The following TARDBP variants were observed in gnomAD, a reference collection of about 807,000 sequenced individuals.
The protein encoded by TARDBP is TAR DNA-binding protein 43.
A neutral mutation model predicts 38.3 loss-of-function variants in TARDBP; 4 were observed. The observed-to-expected ratio is 0.10, with a 90% CI of 0.05 to 0.24. The LOEUF (loss-of-function observed/expected upper bound fraction) is 0.24. Among genes scored for constraint, TARDBP ranks in the 10% least tolerant of loss-of-function variants. TARDBP has a pLI of 1.00. For missense variants in TARDBP, 202 were observed against 521.9 expected (o/e 0.39, Z 5.97); for synonymous variants, 184 against 183.8 (o/e 1.00, Z -0.01).
downstream of TARDBP, chr1:11,029,629 A>T (rs1161656784): frequency 1.5e-5 from 2 of 134,490 alleles, no homozygotes; most frequent in African/African-American, 5.3e-5. Flanking sequence ...GATAATTTTT[A>T]AAATCTTTTT....
intron 3 of TARDBP, 46 bp downstream of exon 3, chr1:11,017,053 GTATC>G (rs756773938): frequency 6.3e-7 from 1 of 1,590,574 alleles, no homozygotes; most frequent in East Asian, 2.2e-5. Context: ...CAGTGAATGA[GTATC>G]TAGCATTTAT....
chr1:11,029,057 A>G (rs1395172304), downstream of TARDBP, among the ~76,000 whole-genome samples: 1 of 145,776 alleles, frequency 6.9e-6, no homozygotes, highest in African/African-American at 2.5e-5. Flanking sequence ...CAGTGGCGCA[A>G]TCTTGGCTCA....
chr1:11,019,818 G>A (rs867207064), intron 4 of TARDBP, among the ~76,000 whole-genome samples: 1 of 151,682 alleles, frequency 6.6e-6, no homozygotes, highest in Non-Finnish European at 1.5e-5. Flanking sequence ...CGCCCATCTC[G>A]GGCTCCCAAA....
In TARDBP at chr1:11,022,214, CAGTT is replaced by C. The variant is rs769139013; in HGVS notation, c.808_811del (p.Leu270LysfsTer41). On this transcript the variant is annotated frameshift_variant, in exon 6 of 6. Coordinates refer to ENST00000240185, the MANE Select transcript of TARDBP (RefSeq NM_007375.4). LOFTEE classifies it high-confidence loss of function. This position sits in a 1 kb window ranked among gnomAD's most constrained non-coding sequence, Gnocchi z 4.5. ...CGAACCTAAGCACAATAGCAATAGA[CAGTT>C]AGAAAGAAGTGGAAGATTTGGTGGT... 1.9e-6 allele frequency: 3 copies of C among 1,613,722 alleles called. No homozygotes were observed. Among genetic ancestry groups the C allele is most frequent in the Non-Finnish European group, 2.5e-6 (3 of 1,179,876 alleles).
chr1:11,015,610 CAG>C (rs1376274166), intron 2 of TARDBP: 1 of 150,368 alleles, frequency 6.7e-6, no homozygotes, highest in Non-Finnish European at 1.5e-5. Flanking sequence ...GCAGAGGTTG[CAG>C]AGAGGGGAGA....
downstream of TARDBP, chr1:11,026,771 G>A: frequency 2.3e-6 from 2 of 856,996 alleles, no homozygotes; most frequent in Non-Finnish European, 3.3e-6. Context: ...TTTTTTGGGT[G>A]GAGCAACAAC....
chr1:11,021,459 T>C (rs905730766), intron 5 of TARDBP, among the ~76,000 whole-genome samples: 2 of 151,760 alleles, frequency 1.3e-5, no homozygotes, highest in Non-Finnish European at 2.9e-5. Context: ...GTATCTTTAG[T>C]AGATAACGGG....
downstream of TARDBP, among the ~76,000 whole-genome samples, chr1:11,029,434 T>C (rs1315659545): frequency 1.3e-5 from 2 of 151,476 alleles, no homozygotes; most frequent in Admixed American, 6.6e-5. Context: ...TCAACTATTA[T>C]CTTTGGAGCC....
At chr1:11,018,686 G>A (rs769907764) in intron 3 of TARDBP, 47 bp from the exon 4 acceptor site, 2 of 1,613,634 alleles carry the variant, frequency 1.2e-6, no homozygotes, top group Non-Finnish European at 1.7e-6. Flanking sequence ...GGAATGGAGT[G>A]TGTGAGTATG....
At chr1:11,028,067 C>G (rs148441597), downstream of TARDBP, among the ~76,000 whole-genome samples, 94 of 152,064 alleles carry the variant, frequency 6.2e-4, 1 homozygote, top group Middle Eastern at 0.017. Flanking sequence ...ACTACATACA[C>G]AAAAATTAGC....
intron 2 of TARDBP, 146 bp from the exon 3 acceptor site, chr1:11,016,698 G>C (rs1643532193): frequency 1.3e-6 from 1 of 781,944 alleles, no homozygotes; most frequent in East Asian, 2.6e-5. Flanking sequence ...CTGTCCTCTA[G>C]AGCAAACATC....
downstream of TARDBP, among the ~76,000 whole-genome samples, chr1:11,028,700 TTTTTTC>T (rs1557665432): frequency 1.5e-3 from 45 of 30,472 alleles, no homozygotes; most frequent in African/African-American, 0.013. Context: ...TTTCTGGGTT[TTTTTTC>T]TTTTTTTTTT....
chr1:11,019,899 T>C (rs1156826575), intron 4 of TARDBP, among the ~76,000 whole-genome samples: 1 of 140,616 alleles, frequency 7.1e-6, no homozygotes, highest in East Asian at 2.2e-4. Context: ...AGTTTCACTC[T>C]TATTGCTCAG....
Position 11,020,486 on chromosome 1 carries a change from G to A in TARDBP, c.601G>A (p.Asp201Asn). The change falls in exon 5 of 6, where the codon GAC becomes AAC. Residue 201 changes from aspartate to asparagine, a missense_variant. Physicochemically the swap from Asp to Asn is conservative, Grantham distance 23. Transcript: ENST00000240185. ...RKVFVGRCTE[D>N]MTEDELREFF... ...AGTGTTTGTGGGGCGCTGTACAGAG[G>A]ACATGACTGAGGATGAGCTGCGGGA... 1 of 1,614,104 alleles carries A rather than the reference G, an allele frequency of 6.2e-7. No individual in the cohort carries two copies. The highest frequency in any genetic ancestry group is 8.5e-7 in the Non-Finnish European group (1 of 1,180,022).
chr1:11,019,522 A>C (rs9430175), intron 4 of TARDBP, among the ~76,000 whole-genome samples: 8,567 of 152,086 alleles, frequency 0.056, 478 homozygotes, highest in East Asian at 0.21. Context: ...TCTAGCCTAG[A>C]TGTGGGGTAG....
In TARDBP at chr1:11,023,247, A is replaced by C. The variant is rs1643675675; in HGVS notation, c.*593A>C. On this transcript the variant is annotated 3_prime_UTR_variant, in exon 6 of 6. Transcript: ENST00000240185. ...AGCACTTCATTGAAAGTAGTGCTGT[A>C]AATATTCTGCCATAGGAATACTGTC... 2 of 1,550,350 alleles carry C rather than the reference A, an allele frequency of 1.3e-6. No homozygotes were observed. Among genetic ancestry groups the C allele is most frequent in the South Asian group, 1.2e-5 (1 of 84,060 alleles).
In TARDBP at chr1:11,019,571, C is replaced by CT. The variant is rs879585461; in HGVS notation, c.543+709dup. ...GGTTTATATGATGTTTGCACAACGA[C>CT]TTTTTTTTTTTGAGAGAGAGAGTCT... On this transcript the variant is annotated intron_variant, in intron 4 of 5. Transcript: ENST00000240185. Among the ~76,000 whole-genome samples the CT allele has an allele frequency of 3.7e-4, 54 of 146,878 alleles. 1 individual carries two copies. The highest frequency in any genetic ancestry group is 1.5e-3 in the South Asian group (7 of 4,634).
At position 11,022,930 on chromosome 1, in the gene TARDBP, T is replaced by C; in HGVS notation, c.*276T>C. The C allele has an allele frequency of 2.9e-6, 4 of 1,362,800 alleles. No homozygotes were observed. Among genetic ancestry groups the C allele is most frequent in the East Asian group, 2.7e-5 (1 of 36,542 alleles). 84.4% of individuals were successfully genotyped at this position (1,362,800 alleles called of 1,614,324 possible). ...GTAAACCAACACACTACAATTGATA[T>C]CAAAAGGTTTCTCCTGTAATATTTT... On this transcript the variant is annotated 3_prime_UTR_variant, in exon 6 of 6. Coordinates refer to ENST00000240185, the MANE Select transcript of TARDBP (RefSeq NM_007375.4). The surrounding 1 kb of genome is among the most constrained non-coding windows in gnomAD (Gnocchi z 4.5).
intron 2 of TARDBP, 72 bp downstream of exon 2, chr1:11,014,037 C>T (rs1481905076): frequency 2.0e-6 from 3 of 1,475,228 alleles, no homozygotes; most frequent in African/African-American, 1.4e-5. Context: ...TGGATCTTAG[C>T]CTCTTTTGGT....
Sources: gnomAD v4.1 joint callset for allele counts (sites outside exome capture counted in the v4.1 genomes callset) on GRCh38, gnomAD v4.1.1 for gene constraint, Gnocchi (gnomAD v3.1) non-coding constraint, MANE v1.5 for transcripts, NCBI Gene and HGNC (gene_info 2026-07-23, HGNC 2026-07-21) for gene names.